The following RASIP1 variants were observed in gnomAD, a reference collection of about 807,000 sequenced individuals.
RASIP1 encodes the protein ras-interacting protein 1.
Under a neutral mutation model 85.3 loss-of-function variants are expected in RASIP1, and 20 were observed. That is an observed-to-expected ratio of 0.23 (90% CI 0.17 to 0.34). The LOEUF (loss-of-function observed/expected upper bound fraction) is 0.34. Ranked by LOEUF, RASIP1 falls within the 10% of genes least tolerant of loss-of-function variation. RASIP1 has a pLI of 1.00. For missense variants in RASIP1, 1,170 were observed against 1,390.9 expected, an observed-to-expected ratio of 0.84 and a Z score of 2.53; for synonymous variants, 617 against 647.1, an observed-to-expected ratio of 0.95 and a Z score of 0.71.
rs1221794361 is a variant in RASIP1, at chr19:48,734,292, CA to C, written c.1179+903del. On this transcript the variant is annotated intron_variant, in intron 4 of 11. Coordinates refer to ENST00000222145, the MANE Select transcript of RASIP1 (RefSeq NM_017805.3). ...CCTGGGCGACAGAGAGAGACTCCGACAAAAAAAAAAAAGTTTATTAAAAAAA... is the reference window on the plus strand; with the variant it reads ...CCTGGGCGACAGAGAGAGACTCCGACAAAAAAAAAAAGTTTATTAAAAAAA... Among the ~76,000 whole-genome samples the C allele has an allele frequency of 5.1e-3, 732 of 144,316 alleles. 20 individuals carry two copies. The highest frequency in any genetic ancestry group is 0.041 in the Admixed American group (601 of 14,642). The allele number at this position is 144,316 out of a possible 152,430, so 94.7% of individuals were successfully genotyped here.
chr19:48,727,822 G>T (rs904451664), intron 5 of RASIP1, among the ~76,000 whole-genome samples: 11 of 152,040 alleles, frequency 7.2e-5, no homozygotes, highest in African/African-American at 2.7e-4. Flanking sequence ...AAGTAGCTGG[G>T]ATTACAGGCA....
chr19:48,726,943 C>A (rs1236239714), intron 7 of RASIP1, 55 bp from the exon 8 acceptor site: 3 of 1,609,750 alleles, frequency 1.9e-6, no homozygotes, highest in Admixed American at 1.7e-5. Flanking sequence ...GCCAGGAGCC[C>A]AGGTCCCCAG....
chr19:48,737,393 C>T (rs1046197042), intron 3 of RASIP1: 1 of 914,038 alleles, frequency 1.1e-6, no homozygotes, highest in Non-Finnish European at 1.3e-6. Context: ...GCTTTCAATG[C>T]GCCAGGCCCC....
chr19:48,734,651 C>A (rs1272841977), intron 4 of RASIP1, among the ~76,000 whole-genome samples: 2 of 152,114 alleles, frequency 1.3e-5, no homozygotes, highest in Admixed American at 1.3e-4. Context: ...CCACACCCGG[C>A]TAATTTTGTA....
intron 3 of RASIP1, among the ~76,000 whole-genome samples, chr19:48,736,535 C>T (rs780150690): frequency 3.9e-5 from 6 of 152,234 alleles, no homozygotes; most frequent in Non-Finnish European, 7.3e-5. Flanking sequence ...ACACCCTTCC[C>T]TGACAGTCCA....
chr19:48,739,520 C>A lies in RASIP1; in HGVS notation c.263G>T (p.Arg88Leu). The change falls in exon 3 of 12, where the codon CGC becomes CTC. Residue 88 changes from arginine (R) to leucine (L), a missense_variant. By Grantham distance (102) the Arg-to-Leu change is moderately radical. Around this residue, in one of 4 missense-constraint regions of RASIP1, gnomAD observed 299 missense variants for 394.4 expected, o/e 0.76. Transcript: ENST00000222145. The surrounding 1 kb of genome is among the most constrained non-coding windows in gnomAD (Gnocchi z 9.2). ...AGGASGSRAKRISQLFRGSGT... is the reference protein window; with the variant it reads ...AGGASGSRAKLISQLFRGSGT... ...CGAGCCCCGGAAGAGCTGGGAGATG[C>A]GCTTGGCGCGGCTACCGGAGGCTCC... The A allele has an allele frequency of 6.6e-7, 1 of 1,516,222 alleles. No homozygotes were observed. The highest frequency in any genetic ancestry group is 8.8e-7 in the Non-Finnish European group (1 of 1,137,186). The allele number at this position is 1,516,222 out of a possible 1,614,324, so 93.9% of individuals were successfully genotyped here.
intron 5 of RASIP1, 105 bp from the exon 6 acceptor site, chr19:48,727,535 C>G: frequency 8.0e-7 from 1 of 1,255,418 alleles, no homozygotes; most frequent in Non-Finnish European, 1.1e-6. Flanking sequence ...GAGACTGGTC[C>G]TACTTTTCTT....
intron 4 of RASIP1, among the ~76,000 whole-genome samples, chr19:48,732,473 C>G (rs573713944): frequency 6.6e-6 from 1 of 152,120 alleles, no homozygotes; most frequent in Admixed American, 6.6e-5. Flanking sequence ...CCAGGATGGT[C>G]TCGATCTCAT....
chr19:48,736,274 G>A (rs2033570533), intron 3 of RASIP1, among the ~76,000 whole-genome samples: 1 of 151,888 alleles, frequency 6.6e-6, no homozygotes, highest in African/African-American at 2.4e-5. Flanking sequence ...AATGTGGCAG[G>A]TGCCTGTAGT....
Position 48,724,310 on chromosome 19 carries a change from G to C in RASIP1, c.2544+27C>G. 6.2e-7 allele frequency: 1 copy of C among 1,603,640 alleles called. No individual in the cohort carries two copies. The highest frequency in any genetic ancestry group is 8.5e-7 in the Non-Finnish European group (1 of 1,172,654). ...GGGGGTTGAGGAGTCAGAGGTCAGG[G>C]GTCAGGTATAGCTGACCAGGAGTCA... On this transcript the variant is annotated intron_variant, in intron 10 of 11. Coordinates refer to ENST00000222145, the MANE Select transcript of RASIP1 (RefSeq NM_017805.3). This position sits in a 1 kb window ranked among gnomAD's most constrained non-coding sequence, Gnocchi z 4.6.
rs139813321 is a variant in RASIP1, at chr19:48,731,413, A to T, written c.1180-1823T>A. 2.0e-5 allele frequency among the ~76,000 whole-genome samples: 3 copies of T among 152,274 alleles called. No individual in the cohort carries two copies. In the East Asian group the frequency reaches 5.8e-4, roughly 29 times the overall value. On this transcript the variant is annotated intron_variant, in intron 4 of 11. Transcript: ENST00000222145. ...CCCCCTTCCATCAATGGACGTTCTC[A>T]ATATTCCAATCCCCAAAAAGGACAT...
At position 48,720,633 on chromosome 19, in the gene RASIP1, G is replaced by C; in HGVS notation, c.*165C>G. On this transcript the variant is annotated 3_prime_UTR_variant, in exon 12 of 12. Transcript: ENST00000222145. Reference sequence around the variant, plus strand: ...TTGCTCCCTGGCATTCACATCCTAAGCCCATGCTCCCACCGTCCCATCCGC... The same window carrying C: ...TTGCTCCCTGGCATTCACATCCTAACCCCATGCTCCCACCGTCCCATCCGC... 1.4e-6 allele frequency: 1 copy of C among 731,640 alleles called. No individual in the cohort carries two copies. Among genetic ancestry groups the C allele is most frequent in the Admixed American group, 2.4e-5 (1 of 42,290 alleles). 45.3% of individuals were successfully genotyped at this position (731,640 alleles called of 1,614,324 possible). A position where few individuals can be genotyped will look rare whatever the true frequency, so the allele number is the denominator to read the frequency against.
In RASIP1 at chr19:48,721,884, GA is replaced by G; in HGVS notation, c.2661del (p.Pro889LeufsTer37). 1 of 1,607,678 alleles carries G rather than the reference GA, an allele frequency of 6.2e-7. No homozygotes were observed. The highest frequency in any genetic ancestry group is 8.5e-7 in the Non-Finnish European group (1 of 1,177,192). Reference protein sequence around the residue: ...PGRGPPAAWDPPPAEREAVDT... With the variant: ...PGRGPPAAWDXPPAEREAVDT... ...TCCACAGCCTCCCGCTCTGCAGGGG[GA>G]GGGTCCCACGCGGCTGGCGGCCCGC... On this transcript the variant is annotated frameshift_variant, in exon 11 of 12. Coordinates refer to ENST00000222145, the MANE Select transcript of RASIP1 (RefSeq NM_017805.3). LOFTEE classifies it high-confidence loss of function.
At position 48,720,621 on chromosome 19, in the gene RASIP1, T is replaced by C. The variant is rs2033208495; in HGVS notation, c.*177A>G. On this transcript the variant is annotated 3_prime_UTR_variant, in exon 12 of 12. Coordinates refer to ENST00000222145, the MANE Select transcript of RASIP1 (RefSeq NM_017805.3). ...CGGATACCTTTATTGCTCCCTGGCA[T>C]TCACATCCTAAGCCCATGCTCCCAC... 1 of 667,104 alleles carries C rather than the reference T, an allele frequency of 1.5e-6. No homozygotes were observed. 41.3% of individuals were successfully genotyped at this position (667,104 alleles called of 1,614,324 possible). A position where few individuals can be genotyped will look rare whatever the true frequency, so the allele number is the denominator to read the frequency against.
chr19:48,728,748 CGAGA>C (rs1485465940), intron 5 of RASIP1, among the ~76,000 whole-genome samples, 185 bp downstream of exon 5: 3 of 150,932 alleles, frequency 2.0e-5, no homozygotes, highest in African/African-American at 4.9e-5. Flanking sequence ...GGTAACAGAG[CGAGA>C]CTCCGTCTCA....
At position 48,738,813 on chromosome 19, in the gene RASIP1, C is replaced by T; in HGVS notation, c.823+147G>A. 3.0e-6 allele frequency: 3 copies of T among 1,013,318 alleles called. No individual in the cohort carries two copies. The highest frequency in any genetic ancestry group is 3.7e-6 in the Non-Finnish European group (3 of 804,114). 62.8% of individuals were successfully genotyped at this position (1,013,318 alleles called of 1,614,324 possible). The stretch of plus-strand genomic sequence containing the variant: ...CTCTAGCTCTGCCTAGAGTCCAACA[C>T]GCACCGTCCAGTCCCCTCCCAGTCC... On this transcript the variant is annotated intron_variant, in intron 3 of 11. Transcript: ENST00000222145. The surrounding 1 kb of genome is among the most constrained non-coding windows in gnomAD (Gnocchi z 4.0).
chr19:48,722,776 A>G (rs546051809), intron 10 of RASIP1, among the ~76,000 whole-genome samples: 1 of 152,154 alleles, frequency 6.6e-6, no homozygotes, highest in Non-Finnish European at 1.5e-5. Flanking sequence ...CTCCTCATCC[A>G]TAAATTTGGA....
In RASIP1 at chr19:48,738,836, T is replaced by G. The variant is rs984398080; in HGVS notation, c.823+124A>C. The G allele has an allele frequency of 3.7e-6, 4 of 1,086,122 alleles. No homozygotes were observed. The highest frequency in any genetic ancestry group is 1.7e-5 in the African/African-American group (1 of 58,330). The allele number at this position is 1,086,122 out of a possible 1,614,324, so 67.3% of individuals were successfully genotyped here. Reference sequence around the variant, plus strand: ...CACGCACCGTCCAGTCCCCTCCCAGTCCCCTCCCGCGGGCCCCGCCCCCAG... The same window carrying G: ...CACGCACCGTCCAGTCCCCTCCCAGGCCCCTCCCGCGGGCCCCGCCCCCAG... On this transcript the variant is annotated intron_variant, in intron 3 of 11. Coordinates refer to ENST00000222145, the MANE Select transcript of RASIP1 (RefSeq NM_017805.3). The surrounding 1 kb of genome is among the most constrained non-coding windows in gnomAD (Gnocchi z 4.0).
chr19:48,734,304 A>AG (rs1273571812), intron 4 of RASIP1, among the ~76,000 whole-genome samples: 1 of 151,570 alleles, frequency 6.6e-6, no homozygotes, highest in African/African-American at 2.4e-5. Flanking sequence ...AAAAAAAAAA[A>AG]GTTTATTAAA....
Sources: gnomAD v4.1 joint callset for allele counts (sites outside exome capture counted in the v4.1 genomes callset) on GRCh38, gnomAD v4.1.1 for gene constraint, gnomAD v4.1.1 regional missense constraint, Gnocchi (gnomAD v3.1) non-coding constraint, MANE v1.5 for transcripts, NCBI Gene and HGNC (gene_info 2026-07-23, HGNC 2026-07-21) for gene names.